GRID1: variants seen among roughly 807,000 people sequenced by gnomAD.
GRID1 encodes glutamate ionotropic receptor delta type subunit 1.
In GRID1, 28 loss-of-function variants were observed where a neutral mutation model predicts 98.0. That is an observed-to-expected ratio of 0.29 (90% CI 0.21 to 0.39). The LOEUF is 0.39. GRID1 is among the 10% of genes least tolerant of loss of function. GRID1 has a pLI of 1.00. For synonymous variants in GRID1, 553 were observed against 538.5 expected, an observed-to-expected ratio of 1.03 and a Z score of -0.37; for missense variants, 1,111 against 1,340.5, an observed-to-expected ratio of 0.83 and a Z score of 2.67.
chr10:85,805,422 C>A (rs1281090647), intron 8 of GRID1, among the ~76,000 whole-genome samples: 1 of 151,650 alleles, frequency 6.6e-6, no homozygotes, highest in African/African-American at 2.4e-5. Context: ...GTCCAATAAA[C>A]CCTAAATTGG....
chr10:86,130,511 G>A (rs983568769), intron 4 of GRID1, among the ~76,000 whole-genome samples: 1 of 152,224 alleles, frequency 6.6e-6, no homozygotes, highest in African/African-American at 2.4e-5. Flanking sequence ...GAGCGACACA[G>A]TAGAGAAGGA....
chr10:85,848,260 T>A (rs1470816291), intron 8 of GRID1, among the ~76,000 whole-genome samples: 3 of 152,102 alleles, frequency 2.0e-5, no homozygotes, highest in Non-Finnish European at 4.4e-5. Context: ...AGAATTATTA[T>A]TCTTGTTCTG....
rs568331645 is a variant in GRID1 at position 86,072,274 on chromosome 10, G to A, written c.726+66545C>T. Among the ~76,000 whole-genome samples the A allele has an allele frequency of 3.9e-5, 6 of 152,274 alleles. No individual in the cohort carries two copies. The East Asian group carries it at 5.8e-4, about 15-fold the overall frequency. ...AAAAAAAATCTATCATAGCTCACAC[G>A]AGGATGAAAATGGTAAACTAAGATT... is the stretch of plus-strand genomic sequence containing the variant. On this transcript the variant is annotated intron_variant, in intron 4 of 15. Coordinates refer to ENST00000327946, the MANE Select transcript of GRID1 (RefSeq NM_017551.3).
At chr10:86,274,686 G>C (rs546427179) in intron 2 of GRID1, among the ~76,000 whole-genome samples, 2,473 of 151,954 alleles carry the variant, frequency 0.016, 62 homozygotes, top group African/African-American at 0.055. Context: ...GTGAATGGGA[G>C]TTCACTCATG....
intron 4 of GRID1, among the ~76,000 whole-genome samples, chr10:86,122,756 C>A (rs12255431): frequency 6.6e-6 from 1 of 152,190 alleles, no homozygotes; most frequent in African/African-American, 2.4e-5. Context: ...TTTAACTGGC[C>A]TCTGAAGTCT....
At chr10:86,300,066 T>C (rs1847659253) in intron 2 of GRID1, among the ~76,000 whole-genome samples, 1 of 152,074 alleles carries the variant, frequency 6.6e-6, no homozygotes, top group Admixed American at 6.5e-5. Context: ...GGGCCTTACA[T>C]CCAACACCTG....
intron 4 of GRID1, among the ~76,000 whole-genome samples, chr10:85,983,715 C>A (rs1352219161): frequency 6.6e-6 from 1 of 151,978 alleles, no homozygotes; most frequent in Non-Finnish European, 1.5e-5. Context: ...TAGGAACTGG[C>A]CAGGCCAAGA....
intron 12 of GRID1, among the ~76,000 whole-genome samples, chr10:85,696,352 C>G (rs1023406453): frequency 6.6e-6 from 1 of 150,732 alleles, no homozygotes; most frequent in Admixed American, 6.7e-5. Context: ...TCTAGGAAGG[C>G]CATTCTGAGG....
chr10:85,703,868 C>T (rs1027694867), intron 12 of GRID1, among the ~76,000 whole-genome samples: 4 of 152,050 alleles, frequency 2.6e-5, no homozygotes, highest in South Asian at 2.1e-4. Context: ...GTGGCTGGTA[C>T]TGGTTGTTCC....
chr10:85,641,319 G>T (rs1023876517), intron 13 of GRID1, among the ~76,000 whole-genome samples: 3 of 152,170 alleles, frequency 2.0e-5, no homozygotes, highest in Admixed American at 6.5e-5. Context: ...TTTCTGTAAT[G>T]GATATTTTAA....
chr10:86,135,238 A>G (rs1386394014), intron 4 of GRID1, among the ~76,000 whole-genome samples: 36 of 152,244 alleles, frequency 2.4e-4, no homozygotes, highest in Admixed American at 2.4e-3. Context: ...AGCCCAGAGA[A>G]GAACCAAGGC....
intron 12 of GRID1, among the ~76,000 whole-genome samples, chr10:85,695,766 C>T (rs1430101742): frequency 1.3e-5 from 2 of 152,038 alleles, no homozygotes; most frequent in African/African-American, 4.8e-5. Context: ...CCAAAACCAA[C>T]CAACCAAACA....
At chr10:85,736,165 G>A in intron 8 of GRID1, among the ~76,000 whole-genome samples, 1 of 138,128 alleles carries the variant, frequency 7.2e-6, no homozygotes, top group South Asian at 2.6e-4. Flanking sequence ...GGGAGGGAGG[G>A]ACACAGGAAG....
At chr10:85,658,965 G>T (rs1840933854) in intron 12 of GRID1, among the ~76,000 whole-genome samples, 3 of 152,318 alleles carry the variant, frequency 2.0e-5, no homozygotes, top group Admixed American at 6.5e-5. Context: ...TTAGAGGATT[G>T]TTATAACTGA....
chr10:86,030,820 T>A (rs1186034901), intron 4 of GRID1, among the ~76,000 whole-genome samples: 1 of 152,218 alleles, frequency 6.6e-6, no homozygotes, highest in Non-Finnish European at 1.5e-5. Flanking sequence ...AAAGTCAGGC[T>A]GCAGACATAG....
intron 4 of GRID1, among the ~76,000 whole-genome samples, chr10:85,979,833 G>A (rs1428891752): frequency 6.6e-6 from 1 of 152,216 alleles, no homozygotes; most frequent in Non-Finnish European, 1.5e-5. Flanking sequence ...GACAGGCAAA[G>A]AATGGGTCTA....
At chr10:86,254,184 C>T (rs996149699) in intron 2 of GRID1, among the ~76,000 whole-genome samples, 1 of 152,150 alleles carries the variant, frequency 6.6e-6, no homozygotes, top group Admixed American at 6.5e-5. Flanking sequence ...GCACCTGTGA[C>T]AGTCAGCCTC....
intron 3 of GRID1, among the ~76,000 whole-genome samples, chr10:86,149,028 T>C (rs769645464): frequency 6.6e-6 from 1 of 152,134 alleles, no homozygotes; most frequent in Non-Finnish European, 1.5e-5. Context: ...GGCTGTCAGC[T>C]CCCTTCCAAC....
chr10:85,660,011 A>C (rs1034085664), intron 12 of GRID1, among the ~76,000 whole-genome samples: 3 of 152,228 alleles, frequency 2.0e-5, no homozygotes, highest in Non-Finnish European at 4.4e-5. Context: ...GATGATGTCC[A>C]TGCCATGGAA....
Sources: gnomAD v4.1 joint callset for allele counts (sites outside exome capture counted in the v4.1 genomes callset) on GRCh38, gnomAD v4.1.1 for gene constraint, MANE v1.5 for transcripts, NCBI Gene and HGNC (gene_info 2026-07-23, HGNC 2026-07-21) for gene names.